Variants in KCTD8 observed in about 807,000 individuals in gnomAD.
KCTD8 encodes the protein potassium channel tetramerization domain containing 8.
Under a neutral mutation model 31.5 loss-of-function variants are expected in KCTD8, and 27 were observed. The observed-to-expected ratio is 0.86, with a 90% CI of 0.63 to 1.18. The LOEUF is 1.18. KCTD8 is among the 50% of genes most tolerant of loss of function. KCTD8 has a pLI of 0.00. For synonymous variants in KCTD8, 290 were observed against 280.0 expected (o/e 1.04, Z -0.36); for missense variants, 658 against 647.7 (o/e 1.02, Z -0.17).
At chr4:44,289,490 C>T (rs1470155328) in intron 1 of KCTD8, among the ~76,000 whole-genome samples, 2 of 152,038 alleles carry the variant, frequency 1.3e-5, no homozygotes, top group African/African-American at 4.8e-5. Context: ...AGAGGCAATG[C>T]AGACCCTGAG....
intron 1 of KCTD8, among the ~76,000 whole-genome samples, chr4:44,381,268 T>C (rs998696937): frequency 2.0e-5 from 3 of 152,058 alleles, no homozygotes; most frequent in African/African-American, 7.2e-5. Context: ...TTATCTCCAA[T>C]TTACAAAACC....
rs141849940 is a variant in KCTD8 at position 44,329,367 on chromosome 4, C to T, written c.961+118196G>A. ...TATCTTGAAGAAAAATATGAGAAAA[C>T]TATTGAGTGAATTTTTGAGGAAAGG... On this transcript the variant is annotated intron_variant, in intron 1 of 1. Coordinates refer to ENST00000360029, the MANE Select transcript of KCTD8 (RefSeq NM_198353.3). Among the ~76,000 whole-genome samples the T allele has an allele frequency of 8.0e-3, 1,198 of 150,420 alleles. 28 individuals are homozygous for T. The highest frequency in any genetic ancestry group is 0.028 in the African/African-American group (1,117 of 40,184).
At chr4:44,266,733 G>C (rs1716381066) in intron 1 of KCTD8, among the ~76,000 whole-genome samples, 1 of 151,776 alleles carries the variant, frequency 6.6e-6, no homozygotes, top group South Asian at 2.1e-4. Flanking sequence ...AAAAAGGCAG[G>C]GGTTGCAATC....
At chr4:44,238,912 A>G (rs774904963) in intron 1 of KCTD8, among the ~76,000 whole-genome samples, 2 of 152,206 alleles carry the variant, frequency 1.3e-5, no homozygotes, top group Non-Finnish European at 2.9e-5. Context: ...TGCACATCCA[A>G]AAGTCTTATA....
At chr4:44,345,019 A>T (rs1719002972) in intron 1 of KCTD8, among the ~76,000 whole-genome samples, 1 of 152,056 alleles carries the variant, frequency 6.6e-6, no homozygotes. Context: ...AGATCACTTC[A>T]CTGCCTTTCC....
chr4:44,194,608 TCA>T (rs1265565084), intron 1 of KCTD8, among the ~76,000 whole-genome samples: 4 of 152,154 alleles, frequency 2.6e-5, no homozygotes. Flanking sequence ...AACACAGAAT[TCA>T]CAGAGATGAA....
intron 1 of KCTD8, among the ~76,000 whole-genome samples, chr4:44,340,301 C>T (rs1160180026): frequency 1.4e-5 from 2 of 146,606 alleles, no homozygotes; most frequent in African/African-American, 2.6e-5. Context: ...TACATATGTA[C>T]ATTTTTGTTT....
intron 1 of KCTD8, among the ~76,000 whole-genome samples, chr4:44,443,449 C>T (rs1721861877): frequency 6.6e-6 from 1 of 152,132 alleles, no homozygotes; most frequent in Non-Finnish European, 1.5e-5. Flanking sequence ...ATTTTCAACT[C>T]AACTAGTTTT....
intron 1 of KCTD8, among the ~76,000 whole-genome samples, chr4:44,403,975 C>T (rs1720726813): frequency 6.6e-6 from 1 of 151,966 alleles, no homozygotes; most frequent in Non-Finnish European, 1.5e-5. Context: ...CACCTTCGTA[C>T]TTAATTTGGT....
At chr4:44,349,196 T>C (rs1180172862) in intron 1 of KCTD8, among the ~76,000 whole-genome samples, 1 of 151,844 alleles carries the variant, frequency 6.6e-6, no homozygotes, top group African/African-American at 2.4e-5. Context: ...CATTTTGAGA[T>C]GAAGTTAGGA....
At chr4:44,301,119 T>A in intron 1 of KCTD8, among the ~76,000 whole-genome samples, 1 of 152,144 alleles carries the variant, frequency 6.6e-6, no homozygotes, top group Non-Finnish European at 1.5e-5. Context: ...TCTATCGTTG[T>A]TGGACATTTG....
intron 1 of KCTD8, among the ~76,000 whole-genome samples, chr4:44,201,713 G>A (rs1169020230): frequency 6.6e-6 from 1 of 151,998 alleles, no homozygotes; most frequent in Non-Finnish European, 1.5e-5. Flanking sequence ...GATAACCTAG[G>A]AAATACCCTT....
At chr4:44,176,471 T>C (rs1434730526) in intron 1 of KCTD8, among the ~76,000 whole-genome samples, 1 of 152,156 alleles carries the variant, frequency 6.6e-6, no homozygotes, top group Non-Finnish European at 1.5e-5. Flanking sequence ...CAGTCTAATA[T>C]ATATGAAATG....
chr4:44,205,786 G>A (rs1433416773), intron 1 of KCTD8, among the ~76,000 whole-genome samples: 1 of 152,178 alleles, frequency 6.6e-6, no homozygotes, highest in African/African-American at 2.4e-5. Flanking sequence ...ATCATTGGAA[G>A]ACTTGGGATT....
chr4:44,230,796 C>A (rs1165808513), intron 1 of KCTD8, among the ~76,000 whole-genome samples: 1 of 151,986 alleles, frequency 6.6e-6, no homozygotes, highest in Non-Finnish European at 1.5e-5. Context: ...TTCAGCTTTG[C>A]CATTAAATTT....
intron 1 of KCTD8, among the ~76,000 whole-genome samples, chr4:44,351,783 T>G (rs532884061): frequency 2.0e-4 from 30 of 152,214 alleles, no homozygotes; most frequent in South Asian, 4.1e-4. Context: ...AGAACACTGC[T>G]GAGTACAGCA....
chr4:44,396,543 C>T (rs1282837298), intron 1 of KCTD8, among the ~76,000 whole-genome samples: 1 of 151,696 alleles, frequency 6.6e-6, no homozygotes, highest in Non-Finnish European at 1.5e-5. Flanking sequence ...TTTAAAACAA[C>T]TTCAACTTTT....
At chr4:44,272,892 C>T (rs879629322) in intron 1 of KCTD8, among the ~76,000 whole-genome samples, 5 of 151,978 alleles carry the variant, frequency 3.3e-5, no homozygotes, top group South Asian at 2.1e-4. Context: ...TTTTCTCAAT[C>T]GAATGAGCAT....
rs576159593 is a variant in KCTD8 at position 44,349,911 on chromosome 4, G to A, written c.961+97652C>T. On this transcript the variant is annotated intron_variant, in intron 1 of 1. Coordinates refer to ENST00000360029, the MANE Select transcript of KCTD8 (RefSeq NM_198353.3). ...ATCTGGGCCAAATAATTCTTTCTGGGTTTATTTATAGATAGTAGAGACCAG... is the reference window on the plus strand; with the variant it reads ...ATCTGGGCCAAATAATTCTTTCTGGATTTATTTATAGATAGTAGAGACCAG... Among the ~76,000 whole-genome samples, 3 of 152,130 alleles carry A rather than the reference G, an allele frequency of 2.0e-5. No individual in the cohort carries two copies. The South Asian group carries it at 6.2e-4, about 32-fold the overall frequency.
Sources: gnomAD v4.1 joint callset for allele counts (sites outside exome capture counted in the v4.1 genomes callset) on GRCh38, gnomAD v4.1.1 for gene constraint, MANE v1.5 for transcripts, NCBI Gene and HGNC (gene_info 2026-07-23, HGNC 2026-07-21) for gene names.